Variants in KALRN observed in about 807,000 individuals in gnomAD.
KALRN encodes the protein kalirin.
In KALRN, 70 loss-of-function variants were observed where a neutral mutation model predicts 353.7. The observed-to-expected ratio is 0.20, with a 90% confidence interval of 0.16 to 0.24. The LOEUF (loss-of-function observed/expected upper bound fraction) is 0.24. KALRN is among the 10% of genes least tolerant of loss of function. KALRN has a pLI of 1.00. For synonymous variants in KALRN, 1,391 were observed against 1,434.8 expected (o/e 0.97, Z 0.69); for missense variants, 2,791 against 3,756.7 (o/e 0.74, Z 6.72).
chr3:124,585,366 A>G (rs1481646100), intron 34 of KALRN, among the ~76,000 whole-genome samples: 1 of 152,216 alleles, frequency 6.6e-6, no homozygotes, highest in Non-Finnish European at 1.5e-5. Flanking sequence ...TACACCAGGA[A>G]CTATTTTTGC....
chr3:124,613,850 T>C lies in KALRN; in HGVS notation c.5183-18570T>C, dbSNP rs748670990. ...TGTTTCCATTCTTCAGCCTGTGGCC[T>C]TTCCAGCTGGTCAGCTCCCATACTC... On this transcript the variant is annotated intron_variant, in intron 34 of 59. Coordinates refer to ENST00000682506, the MANE Select transcript of KALRN (RefSeq NM_001388419.1). Among the ~76,000 whole-genome samples, 27 of 152,352 alleles carry C rather than the reference T, an allele frequency of 1.8e-4. 1 individual carries two copies. Among genetic ancestry groups the C allele is most frequent in the Non-Finnish European group, 3.2e-4 (22 of 68,032 alleles).
chr3:124,491,479 G>A (rs985747011), intron 31 of KALRN, 55 bp downstream of exon 31: 13 of 1,339,514 alleles, frequency 9.7e-6, no homozygotes, highest in Admixed American at 2.2e-5. Flanking sequence ...TAGAAGTGGG[G>A]GTGGGCAAGT....
chr3:124,297,484 C>T (rs745763134), intron 5 of KALRN, among the ~76,000 whole-genome samples: 1 of 152,220 alleles, frequency 6.6e-6, no homozygotes, highest in Non-Finnish European at 1.5e-5. Flanking sequence ...GAGCCTCGAG[C>T]TGTGGCACAC....
At chr3:124,491,481 T>G in intron 31 of KALRN, 57 bp downstream of exon 31, 1 of 1,312,700 alleles carries the variant, frequency 7.6e-7, no homozygotes, top group Non-Finnish European at 1.0e-6. Flanking sequence ...GAAGTGGGGG[T>G]GGGCAAGTGA....
intron 6 of KALRN, among the ~76,000 whole-genome samples, chr3:124,301,993 T>G (rs2077305891): frequency 6.6e-6 from 1 of 152,194 alleles, no homozygotes. Context: ...ACAGATCCCT[T>G]TGAAATCAAA....
At chr3:124,654,059 G>T (rs979273344) in intron 38 of KALRN, among the ~76,000 whole-genome samples, 2 of 152,154 alleles carry the variant, frequency 1.3e-5, no homozygotes, top group Admixed American at 1.3e-4. Context: ...TAAAAATATC[G>T]CCTGGAGACA....
intron 32 of KALRN, among the ~76,000 whole-genome samples, chr3:124,495,998 T>TACAC (rs1561137255): frequency 5.8e-5 from 3 of 51,544 alleles, no homozygotes; most frequent in Admixed American, 2.4e-4. Flanking sequence ...TATATATATA[T>TACAC]ATATATATAT....
chr3:124,462,870 A>G (rs1304661991), intron 25 of KALRN, among the ~76,000 whole-genome samples: 2 of 152,202 alleles, frequency 1.3e-5, no homozygotes, highest in African/African-American at 4.8e-5. Flanking sequence ...CAACATCCTC[A>G]TTTATTCAGC....
At chr3:124,265,244 A>T in intron 4 of KALRN, among the ~76,000 whole-genome samples, 1 of 146,062 alleles carries the variant, frequency 6.8e-6, no homozygotes, top group South Asian at 2.2e-4. Flanking sequence ...ACTAGAACTT[A>T]TTCCTTCTAT....
At chr3:124,494,520 T>G (rs2063509425) in intron 32 of KALRN, among the ~76,000 whole-genome samples, 1 of 152,252 alleles carries the variant, frequency 6.6e-6, no homozygotes, top group Non-Finnish European at 1.5e-5. Flanking sequence ...CCTTTATTTT[T>G]GGTTTTGAAA....
At chr3:124,264,056 ATTT>A (rs5852399) in intron 3 of KALRN, among the ~76,000 whole-genome samples, 9 of 143,316 alleles carry the variant, frequency 6.3e-5, no homozygotes, top group Middle Eastern at 3.5e-3. Flanking sequence ...TGGACTTTGG[ATTT>A]TTTTTTTTTT....
At chr3:124,557,697 A>T (rs1411292358) in intron 33 of KALRN, among the ~76,000 whole-genome samples, 1 of 152,216 alleles carries the variant, frequency 6.6e-6, no homozygotes, top group Non-Finnish European at 1.5e-5. Context: ...TTGTGGAGGA[A>T]TCAGATGATC....
intron 47 of KALRN, among the ~76,000 whole-genome samples, chr3:124,668,025 C>A (rs568417607): frequency 6.7e-6 from 1 of 148,320 alleles, no homozygotes; most frequent in African/African-American, 2.5e-5. Context: ...TCAGAAAACA[C>A]ATATGCCTGT....
chr3:124,218,312 G>C (rs1210318275), intron 1 of KALRN, among the ~76,000 whole-genome samples: 2 of 152,188 alleles, frequency 1.3e-5, no homozygotes, highest in Non-Finnish European at 2.9e-5. Context: ...TGGGGAAAAG[G>C]GAGGGGGACT....
chr3:124,669,094 T>A (rs1462099227), intron 47 of KALRN, among the ~76,000 whole-genome samples: 3 of 152,130 alleles, frequency 2.0e-5, no homozygotes, highest in Non-Finnish European at 4.4e-5. Context: ...CACGCCAACA[T>A]GGAGAGGTAA....
chr3:124,170,831 CTTTTTTTTTTTTTTTTTTTTTT>C (rs752783614), intron 1 of KALRN, among the ~76,000 whole-genome samples: 22 of 47,148 alleles, frequency 4.7e-4, no homozygotes, highest in East Asian at 7.5e-4. Context: ...CTTCCACATT[CTTTTTTTTTTTTTTTTTTTTTT>C]TTTTTTTTTT....
intron 54 of KALRN, among the ~76,000 whole-genome samples, chr3:124,697,130 T>C (rs1417430462): frequency 6.6e-6 from 1 of 152,170 alleles, no homozygotes; most frequent in Non-Finnish European, 1.5e-5. Flanking sequence ...ACTCCTGGGC[T>C]CAAGTGATCC....
intron 4 of KALRN, among the ~76,000 whole-genome samples, chr3:124,266,128 TAAAC>T (rs978322072): frequency 1.7e-4 from 25 of 151,226 alleles, no homozygotes; most frequent in Admixed American, 1.1e-3. Flanking sequence ...CAAAACAAAA[TAAAC>T]AAACAAACAA....
At chr3:124,156,612 T>A (rs527589122) in intron 1 of KALRN, among the ~76,000 whole-genome samples, 1 of 152,324 alleles carries the variant, frequency 6.6e-6, no homozygotes, top group South Asian at 2.1e-4. Flanking sequence ...TTAGCCGAAG[T>A]CCTAAGTTCT....
Sources: gnomAD v4.1 joint callset for allele counts (sites outside exome capture counted in the v4.1 genomes callset) on GRCh38, gnomAD v4.1.1 for gene constraint, MANE v1.5 for transcripts, NCBI Gene and HGNC (gene_info 2026-07-23, HGNC 2026-07-21) for gene names.